Variants in FAM228B observed in about 807,000 individuals in gnomAD.
FAM228B encodes the protein family with sequence similarity 228 member B.
A neutral mutation model predicts 42.6 loss-of-function variants in FAM228B; 38 were observed. That is an observed-to-expected ratio of 0.89 (90% confidence interval 0.69 to 1.17). The LOEUF is 1.17. Among genes scored for constraint, FAM228B ranks in the 50% most tolerant of loss-of-function variants. FAM228B has a pLI of 0.00. For missense variants in FAM228B, 344 were observed against 367.3 expected (o/e 0.94, Z 0.52); for synonymous variants, 109 against 122.3 (o/e 0.89, Z 0.72).
At chr2:24,167,550 A>G in intron 9 of FAM228B, 77 bp from the exon 10 acceptor site, 2 of 1,539,470 alleles carry the variant, frequency 1.3e-6, no homozygotes, top group South Asian at 1.2e-5. Context: ...GCCTCTGGTT[A>G]TGAAGACAGT....
chr2:24,158,944 T>A (rs894987110), intron 7 of FAM228B, among the ~76,000 whole-genome samples: 1 of 152,214 alleles, frequency 6.6e-6, no homozygotes, highest in Non-Finnish European at 1.5e-5. Context: ...AGGGCCACTC[T>A]CTCTGAAGGC....
At position 24,135,139 on chromosome 2, in the gene FAM228B, T is replaced by TAAA. The variant is rs779699806; in HGVS notation, c.120_121insAAA (p.Thr40_Glu41insLys). The TAAA allele has an allele frequency of 3.2e-5, 49 of 1,513,518 alleles. No individual in the cohort carries two copies. The highest frequency in any genetic ancestry group is 3.4e-4 in the Middle Eastern group (2 of 5,898). 93.8% of individuals were successfully genotyped at this position (1,513,518 alleles called of 1,614,324 possible). A position where few individuals can be genotyped will look rare whatever the true frequency, so the allele number is the denominator to read the frequency against. ...TTCAGGTTTTAGCTAAAGAAGATAC[T>TAAA]GAGGCAGCTATTCAATCAATATTAT... On this transcript the variant is annotated inframe_insertion, in exon 3 of 11. Coordinates refer to ENST00000615575, the MANE Select transcript of FAM228B (RefSeq NM_001145710.2).
intron 2 of FAM228B, among the ~76,000 whole-genome samples, chr2:24,127,969 T>G (rs528305488): frequency 6.6e-6 from 1 of 152,184 alleles, no homozygotes; most frequent in South Asian, 2.1e-4. Flanking sequence ...GGCCTATTTC[T>G]TAAATTATTT....
chr2:24,083,260 T>C, intron 2 of FAM228B: 1 of 1,430,738 alleles, frequency 7.0e-7, no homozygotes, highest in Non-Finnish European at 9.4e-7. Flanking sequence ...AAAATAAATT[T>C]CAGAATGAAG....
At chr2:24,136,243 T>C (rs550655261) in intron 3 of FAM228B, among the ~76,000 whole-genome samples, 1 of 151,924 alleles carries the variant, frequency 6.6e-6, no homozygotes, top group South Asian at 2.1e-4. Context: ...TAATTTTTTT[T>C]TGAAACGGAG....
intron 3 of FAM228B, among the ~76,000 whole-genome samples, chr2:24,100,876 A>G (rs1280976431): frequency 2.0e-5 from 3 of 152,248 alleles, no homozygotes; most frequent in Non-Finnish European, 4.4e-5. Context: ...ATGTCCATCA[A>G]TGATAGACTG....
chr2:24,088,620 C>T (rs536330390), intron 2 of FAM228B, among the ~76,000 whole-genome samples: 2 of 151,344 alleles, frequency 1.3e-5, no homozygotes, highest in African/African-American at 4.9e-5. Flanking sequence ...CAAAGTGTTG[C>T]GATTACAGGC....
intron 3 of FAM228B, among the ~76,000 whole-genome samples, chr2:24,105,955 T>C (rs1020688088): frequency 3.3e-5 from 5 of 152,092 alleles, no homozygotes; most frequent in South Asian, 4.2e-4. Flanking sequence ...CTCAGAGAAA[T>C]ATGGGATTAT....
At chr2:24,126,046 A>G (rs113711940) in intron 2 of FAM228B, among the ~76,000 whole-genome samples, 4,417 of 152,202 alleles carry the variant, frequency 0.029, 83 homozygotes, top group African/African-American at 0.055. Context: ...CCTTATCTGG[A>G]TATATCCCAA....
At chr2:24,106,107 A>G (rs1017428625) in intron 3 of FAM228B, among the ~76,000 whole-genome samples, 1 of 152,144 alleles carries the variant, frequency 6.6e-6, no homozygotes, top group African/African-American at 2.4e-5. Flanking sequence ...AATCCAGGAA[A>G]TGCAGAGAAC....
At chr2:24,132,112 G>C (rs1666468202) in intron 2 of FAM228B, among the ~76,000 whole-genome samples, 1 of 152,184 alleles carries the variant, frequency 6.6e-6, no homozygotes, top group Non-Finnish European at 1.5e-5. Flanking sequence ...CATTGATTCT[G>C]TTTATGTGAT....
At chr2:24,112,835 C>T (rs962509165) in intron 3 of FAM228B, among the ~76,000 whole-genome samples, 3 of 152,174 alleles carry the variant, frequency 2.0e-5, no homozygotes, top group African/African-American at 7.2e-5. Flanking sequence ...TTTCCAGCCA[C>T]ATGGAACCTC....
chr2:24,140,240 G>A (rs368054701), intron 5 of FAM228B, among the ~76,000 whole-genome samples: 7 of 152,110 alleles, frequency 4.6e-5, no homozygotes, highest in Admixed American at 6.5e-5. Flanking sequence ...GCAGTGGCGC[G>A]ATCTCTGCTC....
At chr2:24,135,375 A>G (rs1666555421) in intron 3 of FAM228B, among the ~76,000 whole-genome samples, 188 bp downstream of exon 3, 1 of 152,100 alleles carries the variant, frequency 6.6e-6, no homozygotes, top group African/African-American at 2.4e-5. Flanking sequence ...CCCTTCCTAT[A>G]CTTTGTGGGA....
chr2:24,161,029 TA>T (rs2151030850), intron 7 of FAM228B, among the ~76,000 whole-genome samples: 1 of 152,380 alleles, frequency 6.6e-6, no homozygotes, highest in East Asian at 1.9e-4. Context: ...TCAGAAACTC[TA>T]AAACAACTGA....
chr2:24,115,679 C>G, intron 3 of FAM228B: 1 of 1,535,034 alleles, frequency 6.5e-7, no homozygotes, highest in Middle Eastern at 1.7e-4. Context: ...ATTCATTCAT[C>G]CATTTATTAT....
intron 7 of FAM228B, 124 bp from the exon 8 acceptor site, chr2:24,161,382 G>T (rs1425421756): frequency 1.6e-6 from 1 of 616,926 alleles, no homozygotes; most frequent in African/African-American, 1.9e-5. Flanking sequence ...AACCCAGGAG[G>T]TTGAGGCTGC....
intron 7 of FAM228B, among the ~76,000 whole-genome samples, chr2:24,147,505 C>T (rs572864627): frequency 2.2e-4 from 34 of 152,034 alleles, no homozygotes; most frequent in Non-Finnish European, 4.0e-4. Context: ...CCTCCTGAGA[C>T]TCCAATTATA....
At chr2:24,120,159 C>T (rs571173230), upstream of FAM228B, among the ~76,000 whole-genome samples, 24 of 152,078 alleles carry the variant, frequency 1.6e-4, no homozygotes, top group Admixed American at 3.9e-4. Context: ...ACCCCAGCTA[C>T]TCGGTAAGCT....
Sources: allele counts gnomAD v4.1 joint callset (sites outside exome capture counted in the v4.1 genomes callset), GRCh38; gene constraint gnomAD v4.1.1; transcripts MANE v1.5; gene names NCBI Gene and HGNC (gene_info 2026-07-23, HGNC 2026-07-21).